The following SIN3B variants were observed in gnomAD, a reference collection of about 807,000 sequenced individuals.
The protein encoded by SIN3B is paired amphipathic helix protein Sin3b.
In SIN3B, 19 loss-of-function variants were observed where a neutral mutation model predicts 120.2. That is an observed-to-expected ratio of 0.16 (90% CI 0.11 to 0.23). The LOEUF (loss-of-function observed/expected upper bound fraction) is 0.23, where lower values mean the gene tolerates loss of function less well. Ranked by LOEUF, SIN3B falls within the 10% of genes least tolerant of loss-of-function variation. The pLI is 1.00. For missense variants in SIN3B, 1,073 were observed against 1,573.0 expected, an observed-to-expected ratio of 0.68 and a Z score of 5.38; for synonymous variants, 654 against 653.2, an observed-to-expected ratio of 1.00 and a Z score of -0.02.
rs1235338132 is a variant in SIN3B, at chr19:16,829,431, C to G, written c.11C>G (p.Ala4Gly). 4.1e-6 allele frequency: 5 copies of G among 1,206,834 alleles called. No homozygotes were observed. Among genetic ancestry groups the G allele is most frequent in the South Asian group, 4.2e-5 (1 of 24,056 alleles). The allele number at this position is 1,206,834 out of a possible 1,614,324, so 74.8% of individuals were successfully genotyped here. A position where few individuals can be genotyped will look rare whatever the true frequency, so the allele number is the denominator to read the frequency against. MAH[A>G]GGGSGGSGAG... ...GCTCCGACTTCGGACATGGCGCACG[C>G]TGGCGGTGGCAGCGGTGGCAGCGGT... is the stretch of plus-strand genomic sequence containing the variant. The change falls in exon 1 of 19, where the codon GCT becomes GGT. Residue 4 changes from alanine (A) to glycine (G), a missense_variant. Coordinates refer to ENST00000248054, the MANE Select transcript of SIN3B (RefSeq NM_001297595.2).
intron 13 of SIN3B, among the ~76,000 whole-genome samples, chr19:16,870,640 C>T (rs1322530648): frequency 6.6e-6 from 1 of 152,080 alleles, no homozygotes; most frequent in Non-Finnish European, 1.5e-5. Context: ...GCAGCCTCCG[C>T]CTCCCAGGTT....
intron 5 of SIN3B, among the ~76,000 whole-genome samples, chr19:16,848,964 C>T (rs1445083404): frequency 1.3e-5 from 2 of 152,168 alleles, no homozygotes; most frequent in Non-Finnish European, 2.9e-5. Context: ...GGCATTTATG[C>T]AGGGCACCCG....
At chr19:16,870,120 G>A in intron 13 of SIN3B, 45 bp downstream of exon 13, 4 of 1,501,392 alleles carry the variant, frequency 2.7e-6, no homozygotes, top group Non-Finnish European at 3.6e-6. Flanking sequence ...GGTGCCTGGG[G>A]TTAGGGGTCA....
Position 16,841,896 on chromosome 19 carries a change from T to C in SIN3B, c.510T>C (p.Asn170=), listed in dbSNP as rs1176233859. The C allele has an allele frequency of 6.2e-7, 1 of 1,614,078 alleles. No individual in the cohort carries two copies. Among genetic ancestry groups the C allele is most frequent in the Non-Finnish European group, 8.5e-7 (1 of 1,180,006 alleles). The change falls in exon 4 of 19, where the codon AAT becomes AAC. Residue 170 remains asparagine (N), a synonymous_variant. Coordinates refer to ENST00000248054, the MANE Select transcript of SIN3B (RefSeq NM_001297595.2). ...TCAACAACGCCATCAGCTATGTGAA[T>C]AAGATTAAAACCCGCTTCCTAGACC... ...VEFNNAISYV[N]KIKTRFLDHP...
intron 8 of SIN3B, chr19:16,855,589 C>G: frequency 6.6e-6 from 1 of 152,026 alleles, no homozygotes. Flanking sequence ...GGCGTGGTGG[C>G]AGGCGCCTGT....
rs2144621200 is a variant in SIN3B at position 16,869,858 on chromosome 19, C to T, written c.2205C>T (p.Pro735=). 1 of 1,614,236 alleles carries T rather than the reference C, an allele frequency of 6.2e-7. No homozygotes were observed. The highest frequency in any genetic ancestry group is 2.2e-5 in the East Asian group (1 of 44,884). The change falls in exon 13 of 19, where the codon CCC becomes CCT. Residue 735 remains proline, a synonymous_variant. Transcript: ENST00000248054. ...PPLPPPAPHK[P]LDDVYSLFFA... is the part of the protein sequence containing the mutation. The stretch of plus-strand genomic sequence containing the variant: ...TGCCGCCCCCAGCCCCGCACAAGCC[C>T]CTGGACGATGTCTACAGCCTATTTT...
rs543707247 is a variant in SIN3B, at chr19:16,851,678, C to T, written c.849+144C>T. On this transcript the variant is annotated intron_variant, in intron 6 of 18. Transcript: ENST00000248054. ...GTGTGAGGTTCACCGGCAGTGGGAC[C>T]GTTGGAAGTCAGCTCTCCTCTAAGG... 1.2e-4 allele frequency: 130 copies of T among 1,052,542 alleles called. 3 individuals carry two copies. In the South Asian group the frequency reaches 2.3e-3, roughly 18 times the overall value. The allele number at this position is 1,052,542 out of a possible 1,614,324, so 65.2% of individuals were successfully genotyped here. A position where few individuals can be genotyped will look rare whatever the true frequency, so the allele number is the denominator to read the frequency against.
intron 8 of SIN3B, chr19:16,855,463 G>C (rs1396610611): frequency 6.7e-6 from 1 of 149,136 alleles, no homozygotes; most frequent in East Asian, 2.0e-4. Context: ...TGGCTCGTGT[G>C]TAATCCCAGC....
intron 11 of SIN3B, 86 bp downstream of exon 11, chr19:16,865,734 C>A: frequency 1.1e-6 from 1 of 941,580 alleles, no homozygotes. Context: ...CTGCAGGGAG[C>A]CCTTGGAGAG....
At chr19:16,871,142 T>G in intron 13 of SIN3B, 87 bp from the exon 14 acceptor site, 7 of 1,531,326 alleles carry the variant, frequency 4.6e-6, no homozygotes, top group Non-Finnish European at 5.4e-6. Flanking sequence ...ATGGGGGCAT[T>G]TGTTGGGGCT....
Position 16,878,951 on chromosome 19 carries a change from G to A in SIN3B, c.*224G>A, listed in dbSNP as rs950305606. The A allele has an allele frequency of 7.1e-6, 4 of 564,500 alleles. No homozygotes were observed. In the African/African-American group the frequency reaches 7.7e-5, roughly 11 times the overall value. The allele number at this position is 564,500 out of a possible 1,614,324, so 35.0% of individuals were successfully genotyped here. A position where few individuals can be genotyped will look rare whatever the true frequency, so the allele number is the denominator to read the frequency against. ...ACCTGCACCCGAGCCCTGGGGCTCA[G>A]CCCCACCACAGGGGCGGGTGGACGT... On this transcript the variant is annotated 3_prime_UTR_variant, in exon 19 of 19. Transcript: ENST00000248054.
At position 16,862,805 on chromosome 19, in the gene SIN3B, CTGT is replaced by C. The variant is rs1599605816; in HGVS notation, c.1266+248_1266+250del. On this transcript the variant is annotated intron_variant, in intron 9 of 18. Transcript: ENST00000248054. This position sits in a 1 kb window ranked among gnomAD's most constrained non-coding sequence, Gnocchi z 4.7. ...ATAACGTGGAGTTCGGCTTATTCAT[CTGT>C]TATTTGACTTAGGTTTATTGCTGCC... 7 of 1,195,162 alleles carry C rather than the reference CTGT, an allele frequency of 5.9e-6. No individual in the cohort carries two copies. The East Asian group carries it at 1.6e-4, about 28-fold the overall frequency. 74.0% of individuals were successfully genotyped at this position (1,195,162 alleles called of 1,614,324 possible).
intron 14 of SIN3B, among the ~76,000 whole-genome samples, chr19:16,875,471 GT>G (rs2051583557): frequency 1.4e-5 from 2 of 141,620 alleles, no homozygotes; most frequent in East Asian, 2.2e-4. Flanking sequence ...GTCTGGTCTG[GT>G]TTTGGTCTGG....
At chr19:16,864,233 G>A (rs1014614770) in intron 10 of SIN3B, among the ~76,000 whole-genome samples, 1 of 152,088 alleles carries the variant, frequency 6.6e-6, no homozygotes, top group Admixed American at 6.5e-5. Flanking sequence ...GGCCGAGGCT[G>A]CAGTGAGCCG....
At chr19:16,831,176 C>T (rs950231608) in intron 2 of SIN3B, among the ~76,000 whole-genome samples, 10 of 151,710 alleles carry the variant, frequency 6.6e-5, no homozygotes, top group Non-Finnish European at 1.5e-4. Flanking sequence ...GATTCTTGTG[C>T]CTCTGCCTCC....
rs2051640192 is a variant in SIN3B, at chr19:16,878,360, C to T, written c.3132C>T (p.Tyr1044=). 1 of 1,612,280 alleles carries T rather than the reference C, an allele frequency of 6.2e-7. No individual in the cohort carries two copies. The highest frequency in any genetic ancestry group is 8.5e-7 in the Non-Finnish European group (1 of 1,179,626). The change falls in exon 18 of 19, where the codon TAC becomes TAT. Residue 1044 remains tyrosine (Y), a synonymous_variant. Transcript: ENST00000248054. ...TCGTGAACTCCGAGGACTACATGTA[C>T]CGTCGCGGGACCCTCTGCCGGGCCA... ...VFIVNSEDYM[Y]RRGTLCRAKQ...
chr19:16,844,351 T>C (rs909258861), intron 4 of SIN3B: 2 of 152,336 alleles, frequency 1.3e-5, no homozygotes, highest in Non-Finnish European at 2.9e-5. Flanking sequence ...TGTGGGGCTT[T>C]CCTTCAGACT....
intron 9 of SIN3B, chr19:16,863,333 A>C: frequency 7.4e-5 from 24 of 325,008 alleles, no homozygotes; most frequent in Non-Finnish European, 8.4e-5. Context: ...CAGTGTAACA[A>C]TGATCTACAC....
chr19:16,837,362 A>G (rs1003924952), intron 3 of SIN3B, among the ~76,000 whole-genome samples: 32 of 152,240 alleles, frequency 2.1e-4, no homozygotes, highest in Non-Finnish European at 3.4e-4. Flanking sequence ...AGTGATGGAA[A>G]CAGAGTGGAT....
Sources: allele counts gnomAD v4.1 joint callset (sites outside exome capture counted in the v4.1 genomes callset), GRCh38; gene constraint gnomAD v4.1.1; non-coding constraint Gnocchi (gnomAD v3.1); transcripts MANE v1.5; gene names NCBI Gene and HGNC (gene_info 2026-07-23, HGNC 2026-07-21).